TTBK1: variants seen among roughly 807,000 people sequenced by gnomAD.
The protein encoded by TTBK1 is tau tubulin kinase 1, also known as tau-tubulin kinase 1.
In TTBK1, 34 loss-of-function variants were observed where a neutral mutation model predicts 108.5. That is an observed-to-expected ratio of 0.31 (90% CI 0.24 to 0.42). The LOEUF (loss-of-function observed/expected upper bound fraction) is 0.42, where lower values mean the gene tolerates loss of function less well. Among genes scored for constraint, TTBK1 ranks in the 10% least tolerant of loss-of-function variants. The probability of loss-of-function intolerance (pLI) is 1.00; values close to 1 mark genes in which losing one functional copy is unlikely to be tolerated. For synonymous variants in TTBK1, 809 were observed against 795.1 expected (o/e 1.02, Z -0.29); for missense variants, 1,539 against 1,826.0 (o/e 0.84, Z 2.86).
Position 43,259,608 on chromosome 6 carries a change from C to T in TTBK1, c.1326C>T (p.Pro442=). ...SSPVRAPPDS[P]TTPVRSLRYR... Reference sequence around the variant, plus strand: ...CAGTGCGTGCCCCCCCAGACTCCCCCACAACCCCAGTCCGTTCTCTGCGCT... The same window carrying T: ...CAGTGCGTGCCCCCCCAGACTCCCCTACAACCCCAGTCCGTTCTCTGCGCT... The change falls in exon 12 of 15, where the codon CCC becomes CCT. Residue 442 remains proline (P), a synonymous_variant. Transcript: ENST00000259750. This position sits in a 1 kb window ranked among gnomAD's most constrained non-coding sequence, Gnocchi z 6.7. 6.2e-7 allele frequency: 1 copy of T among 1,612,064 alleles called. No homozygotes were observed. The highest frequency in any genetic ancestry group is 1.1e-5 in the South Asian group (1 of 90,560).
Position 43,253,378 on chromosome 6 carries a change from G to T in TTBK1, c.330+14G>T. On this transcript the variant is annotated intron_variant, in intron 4 of 14. Transcript: ENST00000259750. The surrounding 1 kb of genome is among the most constrained non-coding windows in gnomAD (Gnocchi z 5.8). ...ATGCAGCTCCAGGTGAGTCCCCGTG[G>T]CCCATCCTCGCTCCCCTCTCTAAGA... The T allele has an allele frequency of 6.2e-7, 1 of 1,613,726 alleles. No individual in the cohort carries two copies. Among genetic ancestry groups the T allele is most frequent in the East Asian group, 2.2e-5 (1 of 44,888 alleles).
Position 43,282,954 on chromosome 6 carries a change from GGAGGAAGAT to G in TTBK1, c.2223_2231del (p.Asp741_Glu743del), listed in dbSNP as rs757814928. ...ATGGGAAGGAGGAAGAGGAGGAGGA[GGAGGAAGAT>G]GAGGAAGAGGAAGAAGAGGATGAGG... On this transcript the variant is annotated inframe_deletion, in exon 14 of 15. Coordinates refer to ENST00000259750, the MANE Select transcript of TTBK1 (RefSeq NM_032538.3). The surrounding 1 kb of genome is among the most constrained non-coding windows in gnomAD (Gnocchi z 5.4). 2 of 1,608,252 alleles carry G rather than the reference GGAGGAAGAT, an allele frequency of 1.2e-6. No homozygotes were observed. Among genetic ancestry groups the G allele is most frequent in the Non-Finnish European group, 1.7e-6 (2 of 1,175,980 alleles).
rs189797208 is a variant in TTBK1, at chr6:43,253,224, C to T, written c.257-67C>T. ...CCAGGAATCAAGAGTGCACTAGGAA[C>T]CCATCTTAGGGTTGGAAATGAGGAA... On this transcript the variant is annotated intron_variant, in intron 3 of 14. Transcript: ENST00000259750. The surrounding 1 kb of genome is among the most constrained non-coding windows in gnomAD (Gnocchi z 5.8). 7.1e-6 allele frequency: 11 copies of T among 1,558,724 alleles called. No individual in the cohort carries two copies. The highest frequency in any genetic ancestry group is 2.2e-5 in the East Asian group (1 of 44,608).
rs1777998338 is a variant in TTBK1 at position 43,276,327 on chromosome 6, T to C, written c.1987-6400T>C. On this transcript the variant is annotated intron_variant, in intron 13 of 14. Transcript: ENST00000259750. This position sits in a 1 kb window ranked among gnomAD's most constrained non-coding sequence, Gnocchi z 5.4. ...GGGACGCTTTTTTTCTTCCTCTCTC[T>C]CTCCGGGGTGCGTCCTCCTTAGTGT... Among the ~76,000 whole-genome samples the C allele has an allele frequency of 6.6e-6, 1 of 152,044 alleles. No individual in the cohort carries two copies.
At chr6:43,264,056 G>T (rs1777616447) in intron 13 of TTBK1, among the ~76,000 whole-genome samples, 1 of 152,138 alleles carries the variant, frequency 6.6e-6, no homozygotes, top group African/African-American at 2.4e-5. Flanking sequence ...GATGCCCTGA[G>T]TGGTTTTGAA....
In TTBK1 at chr6:43,262,742, G is replaced by T. The variant is rs563451092; in HGVS notation, c.1425-47G>T. 3.4e-6 allele frequency: 5 copies of T among 1,473,948 alleles called. No homozygotes were observed. The South Asian group carries it at 5.4e-5, about 16-fold the overall frequency. The allele number at this position is 1,473,948 out of a possible 1,614,324, so 91.3% of individuals were successfully genotyped here. On this transcript the variant is annotated intron_variant, in intron 12 of 14. Transcript: ENST00000259750. The stretch of plus-strand genomic sequence containing the variant: ...CTGCCGCTGGCGTGGGGTCCTTGGG[G>T]GTCCAGTGGGGCCAGGTATTGAGCC...
intron 12 of TTBK1, 38 bp from the exon 13 acceptor site, chr6:43,262,751 G>C (rs1291132678): frequency 6.7e-7 from 1 of 1,489,338 alleles, no homozygotes; most frequent in Non-Finnish European, 8.9e-7. Context: ...GGGTCCAGTG[G>C]GGCCAGGTAT....
intron 13 of TTBK1, chr6:43,271,347 G>A (rs1777829613): frequency 1.0e-6 from 1 of 985,492 alleles, no homozygotes; most frequent in South Asian, 4.7e-5. Context: ...CTCAGGCTGT[G>A]CACTGTGTAA....
intron 7 of TTBK1, 93 bp downstream of exon 7, chr6:43,255,207 T>C: frequency 2.9e-6 from 2 of 700,960 alleles, no homozygotes; most frequent in South Asian, 1.5e-5. Flanking sequence ...GAGAGGAGAG[T>C]GGGGCAGGGG....
At position 43,253,210 on chromosome 6, in the gene TTBK1, G is replaced by C. The variant is rs1562083340; in HGVS notation, c.257-81G>C. ...CAGCACTGGAGGGACCAGGAATCAA[G>C]AGTGCACTAGGAACCCATCTTAGGG... On this transcript the variant is annotated intron_variant, in intron 3 of 14. Coordinates refer to ENST00000259750, the MANE Select transcript of TTBK1 (RefSeq NM_032538.3). The surrounding 1 kb of genome is among the most constrained non-coding windows in gnomAD (Gnocchi z 5.8). 1 of 1,470,224 alleles carries C rather than the reference G, an allele frequency of 6.8e-7. No homozygotes were observed. Among genetic ancestry groups the C allele is most frequent in the Non-Finnish European group, 9.5e-7 (1 of 1,050,050 alleles). 91.1% of individuals were successfully genotyped at this position (1,470,224 alleles called of 1,614,324 possible). A position where few individuals can be genotyped will look rare whatever the true frequency, so the allele number is the denominator to read the frequency against.
At position 43,283,006 on chromosome 6, in the gene TTBK1, G is replaced by C. The variant is rs774390909; in HGVS notation, c.2266G>C (p.Glu756Gln). Residue 756 changes from glutamate to glutamine, a missense_variant, in exon 14 of 15, where the codon GAG becomes CAG. Transcript: ENST00000259750. The surrounding 1 kb of genome is among the most constrained non-coding windows in gnomAD (Gnocchi z 8.1). ...EEDEEEEEEEEEEEEEEEEEE... is the reference protein window; with the variant it reads ...EEDEEEEEEEQEEEEEEEEEE... ...GGATGAGGAAGAAGAAGAGGAGGAA[G>C]AGGAAGAGGAGGAGGAAGAAGAGGA... 1 of 1,596,846 alleles carries C rather than the reference G, an allele frequency of 6.3e-7. No homozygotes were observed. Among genetic ancestry groups the C allele is most frequent in the South Asian group, 1.1e-5 (1 of 89,322 alleles).
At chr6:43,264,946 T>C (rs1481191488) in intron 13 of TTBK1, among the ~76,000 whole-genome samples, 1 of 152,128 alleles carries the variant, frequency 6.6e-6, no homozygotes, top group African/African-American at 2.4e-5. Context: ...AGGGGCCAGA[T>C]GGTGGCCAAA....
chr6:43,244,800 C>T (rs1301624959), intron 1 of TTBK1, among the ~76,000 whole-genome samples: 2 of 152,008 alleles, frequency 1.3e-5, no homozygotes, highest in Non-Finnish European at 2.9e-5. Flanking sequence ...TTCTGAAGGC[C>T]CCCTCCCACC....
intron 2 of TTBK1, among the ~76,000 whole-genome samples, chr6:43,252,263 C>T (rs145874586): frequency 6.6e-6 from 1 of 150,484 alleles, no homozygotes. Flanking sequence ...TCCCAGGGCA[C>T]TAGGAGAGGA....
At position 43,276,739 on chromosome 6, in the gene TTBK1, C is replaced by T. The variant is rs914171722; in HGVS notation, c.1987-5988C>T. ...TCAGTGTAGACCCTGGCTCTGAGGT[C>T]GCCGGGCTGGGCAGAGGGCAGGGGT... On this transcript the variant is annotated intron_variant, in intron 13 of 14. Coordinates refer to ENST00000259750, the MANE Select transcript of TTBK1 (RefSeq NM_032538.3). This position sits in a 1 kb window ranked among gnomAD's most constrained non-coding sequence, Gnocchi z 5.4. Among the ~76,000 whole-genome samples the T allele has an allele frequency of 6.6e-6, 1 of 152,028 alleles. No individual in the cohort carries two copies. Among genetic ancestry groups the T allele is most frequent in the East Asian group, 1.9e-4 (1 of 5,190 alleles).
At chr6:43,275,577 T>G (rs6916038) in intron 13 of TTBK1, among the ~76,000 whole-genome samples, 151 of 149,876 alleles carry the variant, frequency 1.0e-3, no homozygotes, top group Non-Finnish European at 1.9e-3. Context: ...GTTACCTCAC[T>G]GCCCGTCGGG....
chr6:43,270,713 A>G, intron 13 of TTBK1: 1 of 985,212 alleles, frequency 1.0e-6, no homozygotes, highest in Non-Finnish European at 1.2e-6. Context: ...TCAGGAACTG[A>G]GGATGGATGA....
At position 43,255,770 on chromosome 6, in the gene TTBK1, A is replaced by G. The variant is rs1413758269; in HGVS notation, c.775A>G (p.Met259Val). Reference sequence around the variant, plus strand: ...GATCAAGGAGAAGTATGAGCACCGGATGCTGCTGAAGCACATGCCGTCAGA... The same window carrying G: ...GATCAAGGAGAAGTATGAGCACCGGGTGCTGCTGAAGCACATGCCGTCAGA... ...GMIKEKYEHRMLLKHMPSEFH... is the reference protein window; with the variant it reads ...GMIKEKYEHRVLLKHMPSEFH... The change falls in exon 9 of 15, where the codon ATG becomes GTG. Residue 259 changes from methionine to valine, a missense_variant. Coordinates refer to ENST00000259750, the MANE Select transcript of TTBK1 (RefSeq NM_032538.3). 6.2e-7 allele frequency: 1 copy of G among 1,614,052 alleles called. No individual in the cohort carries two copies.
chr6:43,277,427 T>A (rs1432298340), intron 13 of TTBK1, among the ~76,000 whole-genome samples: 4 of 152,060 alleles, frequency 2.6e-5, no homozygotes, highest in Non-Finnish European at 5.9e-5. Context: ...GGCCCCCCCA[T>A]ACCTCCACCC....
Sources: allele counts gnomAD v4.1 joint callset (sites outside exome capture counted in the v4.1 genomes callset), GRCh38; gene constraint gnomAD v4.1.1; non-coding constraint Gnocchi (gnomAD v3.1); transcripts MANE v1.5; gene names NCBI Gene and HGNC (gene_info 2026-07-23, HGNC 2026-07-21).